UGT8: variants seen among roughly 807,000 people sequenced by gnomAD.
UGT8 encodes 2-hydroxyacylsphingosine 1-beta-galactosyltransferase.
Under a neutral mutation model 40.5 loss-of-function variants are expected in UGT8, and 12 were observed. The ratio of observed to expected loss-of-function variants is 0.30; its 90% CI spans 0.19 to 0.48. The LOEUF (loss-of-function observed/expected upper bound fraction) is 0.48, where lower values mean the gene tolerates loss of function less well. Among genes scored for constraint, UGT8 ranks in the 20% least tolerant of loss-of-function variants. The pLI, the probability that UGT8 is intolerant of heterozygous loss-of-function variation, is 0.99. For missense variants in UGT8, 513 were observed against 648.7 expected, an observed-to-expected ratio of 0.79 and a Z score of 2.27; for synonymous variants, 224 against 240.4, an observed-to-expected ratio of 0.93 and a Z score of 0.63.
chr4:114,651,363 T>C (rs908572832), intron 2 of UGT8, among the ~76,000 whole-genome samples: 2 of 152,184 alleles, frequency 1.3e-5, no homozygotes, highest in Non-Finnish European at 2.9e-5. Flanking sequence ...TCAAGTGTTC[T>C]TTTCTAGTAA....
intron 2 of UGT8, among the ~76,000 whole-genome samples, chr4:114,642,417 T>G (rs2126114756): frequency 6.6e-6 from 1 of 152,248 alleles, no homozygotes; most frequent in Middle Eastern, 3.4e-3. Flanking sequence ...TGTAGCAAGA[T>G]TAACATATGA....
At chr4:114,622,200 C>T (rs112876045) in intron 1 of UGT8, among the ~76,000 whole-genome samples, 7,553 of 145,954 alleles carry the variant, frequency 0.052, 404 homozygotes, top group African/African-American at 0.13. Flanking sequence ...TGAGAATATG[C>T]GGTGTTTGGT....
At chr4:114,610,446 G>T (rs1431832014) in intron 1 of UGT8, among the ~76,000 whole-genome samples, 2 of 152,086 alleles carry the variant, frequency 1.3e-5, no homozygotes, top group East Asian at 1.9e-4. Flanking sequence ...ATATACAAAA[G>T]ACTTTCTCTG....
rs191981995 is a variant in UGT8, at chr4:114,669,986, G to A, written c.1262+1682G>A. 3.3e-4 allele frequency among the ~76,000 whole-genome samples: 50 copies of A among 152,118 alleles called. No individual in the cohort carries two copies. The East Asian group carries it at 8.5e-3, about 26-fold the overall frequency. ...CAGGTGATAATTATTGAAAATATTA[G>A]TTTGCCTCACTAATATTGTGTCCGA... On this transcript the variant is annotated intron_variant, in intron 5 of 5. Transcript: ENST00000310836.
At position 114,623,489 on chromosome 4, in the gene UGT8, C is replaced by T. The variant is rs1193408237; in HGVS notation, c.609C>T (p.Ser203=). The T allele has an allele frequency of 6.2e-7, 1 of 1,614,004 alleles. No individual in the cohort carries two copies. Among genetic ancestry groups the T allele is most frequent in the East Asian group, 2.2e-5 (1 of 44,892 alleles). Residue 203 remains serine, a synonymous_variant, in exon 2 of 6, where the codon TCC becomes TCT. Coordinates refer to ENST00000310836, the MANE Select transcript of UGT8 (RefSeq NM_001128174.3). ...RMKNTGVYLI[S]RLGVSFLVLP... ...AAAATACCGGTGTTTACCTCATTTC[C>T]AGATTAGGGGTCAGCTTTCTGGTTC...
intron 1 of UGT8, among the ~76,000 whole-genome samples, chr4:114,619,782 T>C (rs1251803893): frequency 6.6e-6 from 1 of 151,902 alleles, no homozygotes; most frequent in African/African-American, 2.4e-5. Context: ...CTAAATGAAA[T>C]CAGGAGAATA....
At chr4:114,666,898 C>A (rs1015040083) in intron 4 of UGT8, among the ~76,000 whole-genome samples, 3 of 152,028 alleles carry the variant, frequency 2.0e-5, no homozygotes, top group African/African-American at 7.2e-5. Context: ...CTAATAGCTT[C>A]TAACTATGAT....
At chr4:114,631,058 C>CA (rs926688041) in intron 2 of UGT8, among the ~76,000 whole-genome samples, 9 of 152,210 alleles carry the variant, frequency 5.9e-5, no homozygotes, top group Non-Finnish European at 1.2e-4. Flanking sequence ...CTAGAAATGC[C>CA]AAAAAAGCCT....
intron 1 of UGT8, among the ~76,000 whole-genome samples, chr4:114,601,384 T>C (rs1730431241): frequency 6.6e-6 from 1 of 152,198 alleles, no homozygotes; most frequent in Non-Finnish European, 1.5e-5. Context: ...GTTTATCAAA[T>C]AATATCAATT....
intron 2 of UGT8, among the ~76,000 whole-genome samples, chr4:114,628,027 T>C (rs1732345212): frequency 1.3e-5 from 2 of 152,230 alleles, no homozygotes; most frequent in South Asian, 4.1e-4. Flanking sequence ...GTGATTCAGT[T>C]AGTGCAACAA....
In UGT8 at chr4:114,675,920, C is replaced by T. The variant is rs1312527847; in HGVS notation, c.1263-5C>T. ...ATCATTCTGTGTTTTGTCCCCTCTC[C>T]ATAGCTACCGTCAGAGGGCTCAGAA... On this transcript the variant is annotated splice_region_variant and splice_polypyrimidine_tract_variant and intron_variant, in intron 5 of 5. Transcript: ENST00000310836. 1.2e-6 allele frequency: 2 copies of T among 1,607,154 alleles called. No homozygotes were observed. The highest frequency in any genetic ancestry group is 1.7e-6 in the Non-Finnish European group (2 of 1,175,850).
intron 1 of UGT8, among the ~76,000 whole-genome samples, chr4:114,614,351 A>G (rs1382149646): frequency 2.0e-5 from 3 of 152,134 alleles, no homozygotes; most frequent in Admixed American, 6.5e-5. Context: ...TCTTCCTTTC[A>G]TATTTCATGT....
rs1448714567 is a variant in UGT8 at position 114,677,075 on chromosome 4, A to G, written c.*787A>G. On this transcript the variant is annotated 3_prime_UTR_variant, in exon 6 of 6. Transcript: ENST00000310836. ...CTGGAAGAATTTTATAGTTTTTTCT[A>G]TTTCATTTTAATGAGTAACAATATG... 1 of 151,990 alleles carries G rather than the reference A, an allele frequency of 6.6e-6. No individual in the cohort carries two copies. The highest frequency in any genetic ancestry group is 1.5e-5 in the Non-Finnish European group (1 of 67,968). The allele number at this position is 151,990 out of a possible 1,614,324, so 9.4% of individuals were successfully genotyped here. A position where few individuals can be genotyped will look rare whatever the true frequency, so the allele number is the denominator to read the frequency against.
At chr4:114,600,424 C>T (rs945100778) in intron 1 of UGT8, among the ~76,000 whole-genome samples, 13 of 152,166 alleles carry the variant, frequency 8.5e-5, no homozygotes, top group African/African-American at 3.1e-4. Context: ...TCTATATTCA[C>T]TCAAAATTGG....
chr4:114,667,843 A>C (rs909385959), intron 4 of UGT8: 22 of 817,112 alleles, frequency 2.7e-5, no homozygotes, highest in Non-Finnish European at 3.1e-5. Flanking sequence ...TTGTGTTAAA[A>C]ATAGTAATAT....
intron 2 of UGT8, among the ~76,000 whole-genome samples, chr4:114,634,648 T>A (rs1732776850): frequency 1.3e-5 from 2 of 152,240 alleles, no homozygotes; most frequent in South Asian, 4.1e-4. Flanking sequence ...AATAAATGAC[T>A]AAACTTATAC....
At chr4:114,615,748 T>A (rs1731370961) in intron 1 of UGT8, among the ~76,000 whole-genome samples, 1 of 152,202 alleles carries the variant, frequency 6.6e-6, no homozygotes, top group Admixed American at 6.5e-5. Flanking sequence ...CACATAGCAA[T>A]TCTGCTTCCG....
intron 5 of UGT8, among the ~76,000 whole-genome samples, chr4:114,670,131 A>G (rs1440070149): frequency 6.6e-6 from 1 of 152,174 alleles, no homozygotes; most frequent in East Asian, 1.9e-4. Context: ...ACTTCAGGCC[A>G]ATATCGCTGA....
rs942995772 is a variant in UGT8 at position 114,678,138 on chromosome 4, G to A, written c.*1850G>A. ...TTTTACTTTTTTGGAATTTGATTAA[G>A]TTGACAGTAGGCACTGATTGGATGA... On this transcript the variant is annotated 3_prime_UTR_variant, in exon 6 of 6. Coordinates refer to ENST00000310836, the MANE Select transcript of UGT8 (RefSeq NM_001128174.3). The A allele has an allele frequency of 3.3e-5, 5 of 152,188 alleles. No individual in the cohort carries two copies. The East Asian group carries it at 9.6e-4, about 29-fold the overall frequency. 9.4% of individuals were successfully genotyped at this position (152,188 alleles called of 1,614,324 possible).
Sources: allele counts gnomAD v4.1 joint callset (sites outside exome capture counted in the v4.1 genomes callset), GRCh38; gene constraint gnomAD v4.1.1; transcripts MANE v1.5; gene names NCBI Gene and HGNC (gene_info 2026-07-23, HGNC 2026-07-21).